CC2D1B: variants seen among roughly 807,000 people sequenced by gnomAD.
CC2D1B encodes the protein coiled-coil and C2 domain containing 1B.
In CC2D1B, 92 loss-of-function variants were observed where a neutral mutation model predicts 110.8. The observed-to-expected ratio is 0.83, with a 90% CI of 0.70 to 0.99. The LOEUF is 0.99. CC2D1B is among the 50% of genes least tolerant of loss of function. CC2D1B has a pLI of 0.00. For synonymous variants in CC2D1B, 406 were observed against 429.2 expected (o/e 0.95, Z 0.67); for missense variants, 1,136 against 1,089.0 (o/e 1.04, Z -0.61).
intron 2 of CC2D1B, among the ~76,000 whole-genome samples, chr1:52,362,995 T>A (rs1646814574): frequency 6.6e-6 from 1 of 152,236 alleles, no homozygotes; most frequent in Non-Finnish European, 1.5e-5. Context: ...TAAAACACAC[T>A]ACCATTATTA....
At chr1:52,355,331 C>T in intron 21 of CC2D1B, 67 bp downstream of exon 21, 1 of 1,545,992 alleles carries the variant, frequency 6.5e-7, no homozygotes, top group Non-Finnish European at 8.9e-7. Context: ...TGGGAACCCA[C>T]TCTGGAAACA....
intron 23 of CC2D1B, chr1:52,354,228 G>T: frequency 5.1e-6 from 2 of 392,100 alleles, no homozygotes; most frequent in East Asian, 6.6e-5. Context: ...AGTGGGAAGA[G>T]CCCCAGCCTA....
chr1:52,354,673 C>T lies in CC2D1B; in HGVS notation c.2365G>A (p.Val789Ile). The change falls in exon 23 of 25, where the codon GTT becomes ATT. Residue 789 changes from valine (V) to isoleucine (I), a missense_variant. Transcript: ENST00000284376. ...TCCAGTTTCAGGTGTGCTGTGCCAA[C>T]CAGCTTGTCGCTTCTGAAGAAGGAC... ...KGSFFRSDKL[V>I]GTAHLKLERL... The T allele has an allele frequency of 6.2e-7, 1 of 1,614,248 alleles. No individual in the cohort carries two copies. The highest frequency in any genetic ancestry group is 8.5e-7 in the Non-Finnish European group (1 of 1,180,052).
At position 52,356,277 on chromosome 1, in the gene CC2D1B, T is replaced by G. The variant is rs1273857676; in HGVS notation, c.1963A>C (p.Lys655Gln). 6.2e-6 allele frequency: 10 copies of G among 1,614,224 alleles called. No homozygotes were observed. Among genetic ancestry groups the G allele is most frequent in the Non-Finnish European group, 8.5e-6 (10 of 1,180,042 alleles). ...TRFEKLAQDRKKQLEILQLAQ... is the reference protein window; with the variant it reads ...TRFEKLAQDRQKQLEILQLAQ... Reference sequence around the variant, plus strand: ...AGCTGCAGGATCTCCAGCTGTTTCTTGCGGTCCTGAGCAAGCTTCTCAAAT... The same window carrying G: ...AGCTGCAGGATCTCCAGCTGTTTCTGGCGGTCCTGAGCAAGCTTCTCAAAT... Residue 655 changes from lysine to glutamine, a missense_variant, in exon 18 of 25, where the codon AAG becomes CAG. Transcript: ENST00000284376.
At chr1:52,360,901 G>A in intron 5 of CC2D1B, 73 bp downstream of exon 5, 4 of 1,562,784 alleles carry the variant, frequency 2.6e-6, no homozygotes, top group Non-Finnish European at 3.5e-6. Context: ...TGCTGTGCAG[G>A]CCAGGCCACA....
In CC2D1B at chr1:52,356,226, G is replaced by A. The variant is rs149668107; in HGVS notation, c.2014C>T (p.Pro672Ser). 13 of 1,611,020 alleles carry A rather than the reference G, an allele frequency of 8.1e-6. No individual in the cohort carries two copies. In the African/African-American group the frequency reaches 1.6e-4, roughly 20 times the overall value. ...GTCTTCAACTCAAAGTGGTGGGTGG[G>A]AGGGTCGAGGCCCTGAGCCTGGGCC... is the stretch of plus-strand genomic sequence containing the variant. The part of the protein sequence containing the change: ...QLAQAQGLDP[P>S]THHFELKTFQ... Residue 672 changes from proline (P) to serine (S), a missense_variant, in exon 18 of 25, where the codon CCC (proline) becomes TCC (serine). By Grantham distance (74) the Pro-to-Ser change is moderately conservative. Transcript: ENST00000284376.
At chr1:52,358,860 G>T in intron 11 of CC2D1B, 102 bp from the exon 12 acceptor site, 3 of 1,434,088 alleles carry the variant, frequency 2.1e-6, no homozygotes, top group South Asian at 1.3e-5. Flanking sequence ...CTGGTGGGAA[G>T]ACAGCAGCCC....
chr1:52,353,621 C>T lies in CC2D1B; in HGVS notation c.2457G>A (p.Gly819=), dbSNP rs144481098. ...VEVLDGRKPT[G]GKLEVKVRLR... is the part of the protein sequence containing the mutation. ...GCCTCACCTTCACCTCCAGCTTCCC[C>T]CCGGTGGGCTTCCTTCCATCCAGGA... Residue 819 remains glycine, a synonymous_variant, in exon 24 of 25, where the codon GGG becomes GGA. Coordinates refer to ENST00000284376, the MANE Select transcript of CC2D1B (RefSeq NM_001330585.2). 1.1e-5 allele frequency: 17 copies of T among 1,608,902 alleles called. No individual in the cohort carries two copies. The highest frequency in any genetic ancestry group is 1.4e-5 in the Non-Finnish European group (17 of 1,177,568).
rs371748647 is a variant in CC2D1B at position 52,355,243 on chromosome 1, G to A, written c.2239+155C>T. On this transcript the variant is annotated intron_variant, in intron 21 of 24. Transcript: ENST00000284376. ...CAGGCAAGTCCCTGTACCTCTCTGC[G>A]TGTTTCTCCAACTACAGAAGAAGCA... 8.5e-5 allele frequency among the ~76,000 whole-genome samples: 13 copies of A among 152,274 alleles called. No homozygotes were observed. The South Asian group carries it at 1.5e-3, about 17-fold the overall frequency.
At position 52,358,399 on chromosome 1, in the gene CC2D1B, T is replaced by TCGCTGCCACTGC; in HGVS notation, c.1381_1392dup (p.Ala461_Ala464dup). The TCGCTGCCACTGC allele has an allele frequency of 6.2e-7, 1 of 1,614,100 alleles. No individual in the cohort carries two copies. Reference sequence around the variant, plus strand: ...GCCAGTTTCTCTGCAGCTGCCAATGTCGCTGCCACTGCGTCCTCCTCAACA... The same window carrying TCGCTGCCACTGC: ...GCCAGTTTCTCTGCAGCTGCCAATGTCGCTGCCACTGCCGCTGCCACTGCGTCCTCCTCAACA... On this transcript the variant is annotated inframe_insertion, in exon 13 of 25. Coordinates refer to ENST00000284376, the MANE Select transcript of CC2D1B (RefSeq NM_001330585.2).
rs746641641 is a variant in CC2D1B, at chr1:52,360,225, C to T, written c.612G>A (p.Glu204=). ...CTCTCCTCACAGAGGCTAGCTGCGA[C>T]TCCAAGGTCTGAGGGAGAGAACTGG... ...RRCERGLKTL[E]SQLASVRRGR... The change falls in exon 7 of 25, where the codon GAG becomes GAA. Residue 204 remains glutamate (E), a synonymous_variant. Transcript: ENST00000284376. 6.2e-7 allele frequency: 1 copy of T among 1,614,086 alleles called. No individual in the cohort carries two copies. The highest frequency in any genetic ancestry group is 8.5e-7 in the Non-Finnish European group (1 of 1,180,000).
intron 5 of CC2D1B, 60 bp downstream of exon 5, chr1:52,360,914 C>CGT (rs1435349383): frequency 6.3e-7 from 1 of 1,591,284 alleles, no homozygotes; most frequent in Non-Finnish European, 8.6e-7. Context: ...AGGCCACACA[C>CGT]GTGTTACGTC....
intron 11 of CC2D1B, 122 bp from the exon 12 acceptor site, chr1:52,358,880 A>C: frequency 7.0e-7 from 1 of 1,434,434 alleles, no homozygotes; most frequent in Non-Finnish European, 9.5e-7. Flanking sequence ...CTGGGAGAAA[A>C]AAAGATCCCT....
intron 16 of CC2D1B, chr1:52,356,645 C>T: frequency 1.6e-6 from 1 of 627,640 alleles, no homozygotes; most frequent in East Asian, 2.7e-5. Flanking sequence ...TGAGGAGAGC[C>T]ATTCCCCAAA....
Position 52,358,759 on chromosome 1 carries a change from C to T in CC2D1B, c.1258-1G>A. On this transcript the variant is annotated splice_acceptor_variant, in intron 11 of 24. Coordinates refer to ENST00000284376, the MANE Select transcript of CC2D1B (RefSeq NM_001330585.2). LOFTEE classifies it high-confidence loss of function. ...GTGCTCGAATAGCATCTTGATATTG[C>T]TGCAAGGGAAGGAAGGGAGGGGCCT... 6.2e-7 allele frequency: 1 copy of T among 1,608,564 alleles called. No homozygotes were observed. The highest frequency in any genetic ancestry group is 8.5e-7 in the Non-Finnish European group (1 of 1,178,496).
At position 52,360,140 on chromosome 1, in the gene CC2D1B, C is replaced by A; in HGVS notation, c.697G>T (p.Ala233Ser). 6 of 1,610,656 alleles carry A rather than the reference C, an allele frequency of 3.7e-6. No homozygotes were observed. The highest frequency in any genetic ancestry group is 4.2e-6 in the Non-Finnish European group (5 of 1,178,350). ...CTCCTGTTGGCTGGTTCCTGGGGGG[C>A]CAGGGGCCGCTTTCCTAAGGCCACT... Reference protein sequence around the residue: ...PPVALGKRPLAPQEPANRSPE... With the variant: ...PPVALGKRPLSPQEPANRSPE... Residue 233 changes from alanine to serine, a missense_variant, in exon 7 of 25, where the codon GCC becomes TCC. Coordinates refer to ENST00000284376, the MANE Select transcript of CC2D1B (RefSeq NM_001330585.2).
At chr1:52,360,765 T>TC in intron 5 of CC2D1B, 1 of 891,376 alleles carries the variant, frequency 1.1e-6, no homozygotes, top group South Asian at 1.8e-5. Flanking sequence ...AGGATATGGC[T>TC]CCCGGGGGGT....
rs561786082 is a variant in CC2D1B, at chr1:52,352,078, A to G, written c.*1147T>C. ...GTGCTTATGCAATACTATAGTGATC[A>G]GTAAGCTGAATGTATTTGCTTCACT... On this transcript the variant is annotated 3_prime_UTR_variant, in exon 25 of 25. Coordinates refer to ENST00000284376, the MANE Select transcript of CC2D1B (RefSeq NM_001330585.2). The G allele has an allele frequency of 5.3e-4, 81 of 152,278 alleles. No homozygotes were observed. The highest frequency in any genetic ancestry group is 1.9e-3 in the African/African-American group (79 of 41,552). The allele number at this position is 152,278 out of a possible 1,614,324, so 9.4% of individuals were successfully genotyped here.
intron 18 of CC2D1B, 35 bp from the exon 19 acceptor site, chr1:52,355,879 G>A: frequency 1.2e-6 from 2 of 1,605,660 alleles, no homozygotes; most frequent in Non-Finnish European, 1.7e-6. Context: ...ATGCTCAAAA[G>A]TGAAGGACAG....
Sources: allele counts gnomAD v4.1 joint callset (sites outside exome capture counted in the v4.1 genomes callset), GRCh38; gene constraint gnomAD v4.1.1; transcripts MANE v1.5; gene names NCBI Gene and HGNC (gene_info 2026-07-23, HGNC 2026-07-21).